The following SSBP3 variants were observed in gnomAD, a reference collection of about 807,000 sequenced individuals.
SSBP3 encodes the protein single stranded DNA binding protein 3.
Under a neutral mutation model 69.6 loss-of-function variants are expected in SSBP3, and 5 were observed. That is an observed-to-expected ratio of 0.07 (90% CI 0.04 to 0.15). The LOEUF (loss-of-function observed/expected upper bound fraction) is 0.15. SSBP3 is among the 10% of genes least tolerant of loss of function. The pLI is 1.00. For synonymous variants in SSBP3, 196 were observed against 193.4 expected, an observed-to-expected ratio of 1.01 and a Z score of -0.11; for missense variants, 312 against 534.0, an observed-to-expected ratio of 0.58 and a Z score of 4.10.
intron 4 of SSBP3, among the ~76,000 whole-genome samples, chr1:54,394,947 C>A (rs1648757258): frequency 6.6e-6 from 1 of 151,886 alleles, no homozygotes; most frequent in African/African-American, 2.4e-5. Flanking sequence ...TCGTGATCCG[C>A]CAGCCTCGGC....
At chr1:54,407,712 A>T (rs1040229428), upstream of SSBP3, among the ~76,000 whole-genome samples, 1 of 148,430 alleles carries the variant, frequency 6.7e-6, no homozygotes, top group Non-Finnish European at 1.5e-5. Flanking sequence ...GTTTGGATAC[A>T]TCTTTAGGGG....
At chr1:54,252,721 A>G (rs1644851604) in intron 7 of SSBP3, among the ~76,000 whole-genome samples, 1 of 152,228 alleles carries the variant, frequency 6.6e-6, no homozygotes, top group Non-Finnish European at 1.5e-5. Flanking sequence ...TTTACTTGAG[A>G]CTGAAGTTAT....
At chr1:54,307,444 A>G (rs779712758) in intron 4 of SSBP3, among the ~76,000 whole-genome samples, 12 of 152,088 alleles carry the variant, frequency 7.9e-5, no homozygotes, top group Non-Finnish European at 1.3e-4. Flanking sequence ...ACACTCCCTT[A>G]CTATGCTGTG....
chr1:54,410,260 C>T (rs970636880), upstream of SSBP3, among the ~76,000 whole-genome samples: 10 of 152,180 alleles, frequency 6.6e-5, no homozygotes, highest in African/African-American at 2.4e-4. Context: ...TCCTTCCTCT[C>T]TTGGCTGCCA....
chr1:54,406,398 T>C lies in SSBP3; in HGVS notation c.-390A>G. On this transcript the variant is annotated 5_prime_UTR_variant, in exon 1 of 18. Coordinates refer to ENST00000610401, the Ensembl canonical transcript of SSBP3. ...CCGCCGCCGCCGCCGCTGGTCTACT[T>C]GGAGCTCAACCGAACGTGGCTACCC... 6.5e-6 allele frequency: 1 copy of C among 154,026 alleles called. No individual in the cohort carries two copies. Among genetic ancestry groups the C allele is most frequent in the Non-Finnish European group, 1.4e-5 (1 of 69,960 alleles). The allele number at this position is 154,026 out of a possible 1,614,324, so 9.5% of individuals were successfully genotyped here.
intron 4 of SSBP3, among the ~76,000 whole-genome samples, chr1:54,340,537 G>A (rs1050835897): frequency 3.9e-5 from 6 of 152,338 alleles, no homozygotes; most frequent in East Asian, 1.9e-4. Context: ...GCAAGTCCAC[G>A]CACAGCAAGG....
intron 4 of SSBP3, among the ~76,000 whole-genome samples, chr1:54,394,720 T>G (rs1224217737): frequency 7.1e-6 from 1 of 140,940 alleles, no homozygotes; most frequent in Non-Finnish European, 1.5e-5. Context: ...TTTTTTTTTT[T>G]GAGACGGAGT....
At chr1:54,284,531 G>A (rs1442155066) in intron 4 of SSBP3, among the ~76,000 whole-genome samples, 2 of 151,700 alleles carry the variant, frequency 1.3e-5, no homozygotes, top group Admixed American at 6.6e-5. Context: ...GCAGTGGCCC[G>A]ATCATTGCTT....
rs768608327 is a variant in SSBP3, at chr1:54,258,043, G to A, written c.447+26C>T. On this transcript the variant is annotated intron_variant, in intron 6 of 17. Coordinates refer to ENST00000610401, the Ensembl canonical transcript of SSBP3. This position sits in a 1 kb window ranked among gnomAD's most constrained non-coding sequence, Gnocchi z 4.5. ...TTCCTCCGCGCCCCGCGTCCCCGGC[G>A]GGCGGGAGCGCCACGGTGCGTTTAC... 73 of 1,565,130 alleles carry A rather than the reference G, an allele frequency of 4.7e-5. No individual in the cohort carries two copies. Among genetic ancestry groups the A allele is most frequent in the Middle Eastern group, 2.1e-4 (1 of 4,742 alleles).
chr1:54,358,896 TG>T (rs922623710), intron 4 of SSBP3, among the ~76,000 whole-genome samples: 3 of 152,158 alleles, frequency 2.0e-5, no homozygotes, highest in African/African-American at 4.8e-5. Flanking sequence ...GAAACAGGCC[TG>T]GGAACGCAGT....
intron 4 of SSBP3, among the ~76,000 whole-genome samples, chr1:54,337,203 C>T (rs753704928): frequency 9.9e-5 from 15 of 152,226 alleles, no homozygotes; most frequent in African/African-American, 1.7e-4. Flanking sequence ...TGGCCACACA[C>T]CTCCACCCAC....
intron 5 of SSBP3, among the ~76,000 whole-genome samples, chr1:54,260,019 A>G (rs1033454897): frequency 6.6e-6 from 1 of 152,256 alleles, no homozygotes; most frequent in Non-Finnish European, 1.5e-5. Context: ...TGATAATGGC[A>G]CTGATTAGAG....
chr1:54,262,402 T>C (rs928863251), intron 5 of SSBP3, among the ~76,000 whole-genome samples: 106 of 152,238 alleles, frequency 7.0e-4, no homozygotes, highest in African/African-American at 2.5e-3. Flanking sequence ...CACCTCCGTG[T>C]CATCTGTCAG....
chr1:54,405,655 C>T (rs1288664820), intron 1 of SSBP3, among the ~76,000 whole-genome samples: 1 of 151,814 alleles, frequency 6.6e-6, no homozygotes. Flanking sequence ...CGGGACCTCG[C>T]CCACCACTCA....
At chr1:54,323,767 A>C (rs1646255199) in intron 4 of SSBP3, among the ~76,000 whole-genome samples, 1 of 152,156 alleles carries the variant, frequency 6.6e-6, no homozygotes, top group Non-Finnish European at 1.5e-5. Flanking sequence ...TGCCCCAGAG[A>C]CTGTCTGACT....
At position 54,261,777 on chromosome 1, in the gene SSBP3, G is replaced by A. The variant is rs74828912; in HGVS notation, c.367-3628C>T. On this transcript the variant is annotated intron_variant, in intron 5 of 17. Coordinates refer to ENST00000610401, the Ensembl canonical transcript of SSBP3. The stretch of plus-strand genomic sequence containing the variant: ...CCTTCCAGGGATGCGGTGGATCAGG[G>A]CAGATGGCACCCTGAAGGTGTGCAA... Among the ~76,000 whole-genome samples the A allele has an allele frequency of 1.7e-3, 264 of 152,284 alleles. 4 individuals are homozygous for A. The South Asian group carries it at 0.031, about 18-fold the overall frequency.
chr1:54,259,900 G>A (rs148541431), intron 5 of SSBP3, among the ~76,000 whole-genome samples: 6 of 152,326 alleles, frequency 3.9e-5, no homozygotes, highest in South Asian at 2.1e-4. Flanking sequence ...TGCCAGCAAC[G>A]GCATGGTTTG....
intron 4 of SSBP3, among the ~76,000 whole-genome samples, chr1:54,321,640 C>T (rs1247608318): frequency 3.3e-5 from 5 of 152,216 alleles, no homozygotes; most frequent in African/African-American, 9.6e-5. Context: ...CTAGAGTTCC[C>T]GTGCAAGTCA....
At chr1:54,305,324 A>G (rs753493311) in intron 4 of SSBP3, among the ~76,000 whole-genome samples, 2 of 152,026 alleles carry the variant, frequency 1.3e-5, no homozygotes, top group South Asian at 4.2e-4. Flanking sequence ...TTTTCACAGC[A>G]CCTGCCTAGC....
Sources: gnomAD v4.1 joint callset for allele counts (sites outside exome capture counted in the v4.1 genomes callset) on GRCh38, gnomAD v4.1.1 for gene constraint, Gnocchi (gnomAD v3.1) non-coding constraint, MANE v1.5 for transcripts, NCBI Gene and HGNC (gene_info 2026-07-23, HGNC 2026-07-21) for gene names.